Variants in CALCR observed in about 807,000 individuals in gnomAD.
CALCR encodes the protein calcitonin receptor.
In CALCR, 47 loss-of-function variants were observed where a neutral mutation model predicts 59.5. That is an observed-to-expected ratio of 0.79 (90% CI 0.63 to 1.01). The LOEUF (loss-of-function observed/expected upper bound fraction) is 1.01. Ranked by LOEUF, CALCR falls within the 50% of genes least tolerant of loss-of-function variation. The pLI is 0.00. For missense variants in CALCR, 566 were observed against 597.1 expected, an observed-to-expected ratio of 0.95 and a Z score of 0.54; for synonymous variants, 213 against 211.3, an observed-to-expected ratio of 1.01 and a Z score of -0.07.
chr7:93,485,976 A>G (rs1263286069), intron 3 of CALCR, among the ~76,000 whole-genome samples: 2 of 151,668 alleles, frequency 1.3e-5, no homozygotes, highest in Non-Finnish European at 3.0e-5. Context: ...AATACTAGCA[A>G]TATTTTTTTC....
intron 2 of CALCR, among the ~76,000 whole-genome samples, chr7:93,527,222 G>A (rs568530746): frequency 1.1e-4 from 17 of 151,570 alleles, no homozygotes; most frequent in African/African-American, 3.6e-4. Flanking sequence ...GCATATATAT[G>A]TAGTATATTT....
intron 2 of CALCR, among the ~76,000 whole-genome samples, chr7:93,557,753 A>T (rs938610820): frequency 1.3e-5 from 2 of 151,982 alleles, no homozygotes; most frequent in African/African-American, 4.8e-5. Flanking sequence ...GAAGGTAGAT[A>T]TCTGCTTTGA....
At chr7:93,546,570 TC>T (rs1357363908) in intron 2 of CALCR, among the ~76,000 whole-genome samples, 7 of 150,922 alleles carry the variant, frequency 4.6e-5, no homozygotes, top group Non-Finnish European at 1.0e-4. Context: ...GTTTTCTTTT[TC>T]TTTTCTTTTT....
rs1362297231 is a variant in CALCR, at chr7:93,426,517, A to C, written c.1264T>G (p.Ser422Ala). The change falls in exon 14 of 14, where the codon TCC (serine) becomes GCC (alanine). Residue 422 changes from serine to alanine, a missense_variant. Transcript: ENST00000426151. Reference protein sequence around the residue: ...QWNQRWGRRPSNRSARAAAAA... With the variant: ...QWNQRWGRRPANRSARAAAAA... ...GCTGCAGCGCGAGCAGAGCGGTTGG[A>C]GGGGCGCCTCCCCCAACGCTGGTTC... 2 of 1,613,578 alleles carry C rather than the reference A, an allele frequency of 1.2e-6. No individual in the cohort carries two copies. Among genetic ancestry groups the C allele is most frequent in the East Asian group, 2.2e-5 (1 of 44,824 alleles).
At position 93,536,521 on chromosome 7, in the gene CALCR, A is replaced by G. The variant is rs1459574299; in HGVS notation, c.-27+37768T>C. ...TGCATCATCTTTTTCTTTTCCCCCA[A>G]GAGGAAACCTTTTTATTTTATTTTT... On this transcript the variant is annotated intron_variant, in intron 2 of 13. Coordinates refer to ENST00000426151, the MANE Select transcript of CALCR (RefSeq NM_001742.4). 2.8e-5 allele frequency among the ~76,000 whole-genome samples: 4 copies of G among 144,860 alleles called. No homozygotes were observed. The East Asian group carries it at 8.1e-4, about 29-fold the overall frequency.
chr7:93,481,024 T>C (rs2115897822), intron 3 of CALCR, among the ~76,000 whole-genome samples: 1 of 151,942 alleles, frequency 6.6e-6, no homozygotes, highest in African/African-American at 2.4e-5. Flanking sequence ...TTTTGTCACT[T>C]TGAGCAGGTT....
intron 7 of CALCR, 40 bp downstream of exon 7, chr7:93,468,675 A>T: frequency 7.2e-7 from 1 of 1,383,558 alleles, no homozygotes; most frequent in Non-Finnish European, 1.0e-6. Flanking sequence ...TCAGTAACTT[A>T]AAGGAGGAAA....
chr7:93,490,975 C>T lies in CALCR; in HGVS notation c.-26-3968G>A, dbSNP rs138422791. Among the ~76,000 whole-genome samples the T allele has an allele frequency of 4.1e-3, 618 of 151,916 alleles. 2 individuals carry two copies. The highest frequency in any genetic ancestry group is 7.3e-3 in the African/African-American group (302 of 41,458). ...ACAGTCCTAAGCAAAAAGAACAAAGCTGGAAGCATCACACTACCTGACTTC... is the reference window on the plus strand; with the variant it reads ...ACAGTCCTAAGCAAAAAGAACAAAGTTGGAAGCATCACACTACCTGACTTC... On this transcript the variant is annotated intron_variant, in intron 2 of 13. Coordinates refer to ENST00000426151, the MANE Select transcript of CALCR (RefSeq NM_001742.4).
chr7:93,547,364 C>T (rs1789318267), intron 2 of CALCR, among the ~76,000 whole-genome samples: 1 of 152,170 alleles, frequency 6.6e-6, no homozygotes, highest in Non-Finnish European at 1.5e-5. Flanking sequence ...ATGAAAAGTA[C>T]TTGAAATTGC....
At position 93,462,302 on chromosome 7, in the gene CALCR, G is replaced by A. The variant is rs10488540; in HGVS notation, c.522-1355C>T. Among the ~76,000 whole-genome samples the A allele has an allele frequency of 0.11, 16,753 of 152,034 alleles. 1,178 individuals are homozygous for A. Among genetic ancestry groups the A allele is most frequent in the Non-Finnish European group, 0.16 (10,991 of 67,934 alleles). On this transcript the variant is annotated intron_variant, in intron 7 of 13. Coordinates refer to ENST00000426151, the MANE Select transcript of CALCR (RefSeq NM_001742.4). Reference sequence around the variant, plus strand: ...CATGAGGCAGGCTCTGATAAAGACAGGATTTAGAGAAGAGCTTTCTCTTAC... The same window carrying A: ...CATGAGGCAGGCTCTGATAAAGACAAGATTTAGAGAAGAGCTTTCTCTTAC...
Position 93,479,470 on chromosome 7 carries a change from G to T in CALCR, c.89C>A (p.Thr30Asn). Residue 30 changes from threonine to asparagine, a missense_variant, in exon 4 of 14, where the codon ACC (threonine) becomes AAC (asparagine). Coordinates refer to ENST00000426151, the MANE Select transcript of CALCR (RefSeq NM_001742.4). ...TGGCTTGGGCTCTATTGTTGGATAG[G>T]TTTGATTTGAAAAGGCAGGAAGAAT... ...TPILPAFSNQ[T>N]YPTIEPKPFL... 1 of 1,612,462 alleles carries T rather than the reference G, an allele frequency of 6.2e-7. No homozygotes were observed. Among genetic ancestry groups the T allele is most frequent in the Non-Finnish European group, 8.5e-7 (1 of 1,179,042 alleles).
intron 11 of CALCR, among the ~76,000 whole-genome samples, 157 bp downstream of exon 11, chr7:93,437,903 G>GCC (rs1251805693): frequency 6.6e-6 from 1 of 151,976 alleles, no homozygotes; most frequent in Non-Finnish European, 1.5e-5. Context: ...GCGTTTTTTT[G>GCC]AAGAGTCTAA....
chr7:93,569,962 A>ACACT (rs1368633133), intron 2 of CALCR, among the ~76,000 whole-genome samples: 1 of 151,668 alleles, frequency 6.6e-6, no homozygotes, highest in Non-Finnish European at 1.5e-5. Flanking sequence ...ACACACACAC[A>ACACT]CACACACTTC....
chr7:93,493,228 G>A (rs973175376), intron 2 of CALCR, among the ~76,000 whole-genome samples: 15 of 151,280 alleles, frequency 9.9e-5, no homozygotes, highest in African/African-American at 2.4e-4. Flanking sequence ...GATCTAATGA[G>A]TTAAATAAAA....
intron 7 of CALCR, among the ~76,000 whole-genome samples, chr7:93,463,785 C>T (rs944575131): frequency 3.3e-5 from 5 of 151,896 alleles, no homozygotes; most frequent in African/African-American, 1.2e-4. Context: ...AAGCCGACAA[C>T]ATTTTTTTGT....
At chr7:93,482,643 C>A in intron 3 of CALCR, 2 of 358,136 alleles carry the variant, frequency 5.6e-6, no homozygotes, top group Non-Finnish European at 5.6e-6. Context: ...AAGTAGAAAA[C>A]CCTATGCTTG....
intron 12 of CALCR, 147 bp from the exon 13 acceptor site, chr7:93,434,441 G>A: frequency 1.7e-6 from 1 of 591,054 alleles, no homozygotes; most frequent in Admixed American, 2.9e-5. Context: ...AGTCAGTGCT[G>A]CACTATAAGA....
chr7:93,495,808 T>C (rs1801188460), intron 2 of CALCR: 5 of 1,093,902 alleles, frequency 4.6e-6, no homozygotes, highest in East Asian at 2.6e-5. Flanking sequence ...TTGTGGCTGA[T>C]TTAGAACATG....
intron 5 of CALCR, among the ~76,000 whole-genome samples, chr7:93,473,039 T>C (rs1389491793): frequency 3.3e-5 from 5 of 151,900 alleles, no homozygotes; most frequent in East Asian, 3.9e-4. Flanking sequence ...AAGGGATATA[T>C]CAAGAGGCCA....
Sources: gnomAD v4.1 joint callset for allele counts (sites outside exome capture counted in the v4.1 genomes callset) on GRCh38, gnomAD v4.1.1 for gene constraint, MANE v1.5 for transcripts, NCBI Gene and HGNC (gene_info 2026-07-23, HGNC 2026-07-21) for gene names.